Variants in RASSF8 observed in about 807,000 individuals in gnomAD.
RASSF8 encodes ras association domain-containing protein 8.
A neutral mutation model predicts 48.5 loss-of-function variants in RASSF8; 22 were observed. That is an observed-to-expected ratio of 0.45 (90% CI 0.32 to 0.65). The LOEUF (loss-of-function observed/expected upper bound fraction) is 0.65, where lower values mean the gene tolerates loss of function less well. RASSF8 is among the 30% of genes least tolerant of loss of function. The pLI is 0.03. For missense variants in RASSF8, 418 were observed against 489.2 expected, an observed-to-expected ratio of 0.85 and a Z score of 1.37; for synonymous variants, 127 against 171.5, an observed-to-expected ratio of 0.74 and a Z score of 2.03.
intron 1 of RASSF8, among the ~76,000 whole-genome samples, chr12:25,984,469 A>T (rs935758778): frequency 2.0e-5 from 3 of 152,100 alleles, no homozygotes; most frequent in Non-Finnish European, 4.4e-5. Flanking sequence ...CAGCCTCCTG[A>T]GTAGCTGGTA....
At chr12:25,998,052 G>T (rs1338396912) in intron 2 of RASSF8, among the ~76,000 whole-genome samples, 1 of 152,170 alleles carries the variant, frequency 6.6e-6, no homozygotes, top group Admixed American at 6.5e-5. Flanking sequence ...GATACTGATT[G>T]AAGAAATTGC....
downstream of RASSF8, among the ~76,000 whole-genome samples, chr12:26,074,481 T>G (rs1167160824): frequency 6.6e-6 from 1 of 151,954 alleles, no homozygotes; most frequent in Non-Finnish European, 1.5e-5. Flanking sequence ...TAGCTGGGAT[T>G]ACAGGCGTCC....
At position 25,984,777 on chromosome 12, in the gene RASSF8, A is replaced by G. The variant is rs191747405; in HGVS notation, c.-202-10260A>G. Among the ~76,000 whole-genome samples the G allele has an allele frequency of 2.2e-3, 334 of 152,326 alleles. 3 individuals carry two copies. The highest frequency in any genetic ancestry group is 6.0e-4 in the Non-Finnish European group (41 of 68,030). ...GTAACTTTTTCTTCTTAAAATTGTG[A>G]GTGCATGAATGTTTCCTTTTGTTTA... On this transcript the variant is annotated intron_variant, in intron 1 of 5. Coordinates refer to ENST00000689635, the MANE Select transcript of RASSF8 (RefSeq NM_001394098.1).
At chr12:26,035,872 A>G (rs907357637) in intron 2 of RASSF8, among the ~76,000 whole-genome samples, 3 of 140,894 alleles carry the variant, frequency 2.1e-5, no homozygotes, top group Non-Finnish European at 4.5e-5. Context: ...ATAAAATTAT[A>G]TATTATATAT....
chr12:25,979,615 C>G (rs1941690837), intron 1 of RASSF8, among the ~76,000 whole-genome samples: 1 of 152,140 alleles, frequency 6.6e-6, no homozygotes, highest in African/African-American at 2.4e-5. Flanking sequence ...TTTTTATTCC[C>G]CATTTTACTT....
chr12:26,078,205 TG>T (rs1186747549), intron 5 of RASSF8, among the ~76,000 whole-genome samples: 1 of 152,174 alleles, frequency 6.6e-6, no homozygotes, highest in Non-Finnish European at 1.5e-5. Context: ...GGAAGACAGA[TG>T]TTGAACAAAG....
chr12:25,988,983 G>A (rs1364380786), intron 1 of RASSF8, among the ~76,000 whole-genome samples: 1 of 152,118 alleles, frequency 6.6e-6, no homozygotes, highest in Non-Finnish European at 1.5e-5. Context: ...CTTGATTTTA[G>A]AAAGCATCTC....
At chr12:26,005,362 T>C (rs1316585542) in intron 2 of RASSF8, among the ~76,000 whole-genome samples, 1 of 152,158 alleles carries the variant, frequency 6.6e-6, no homozygotes, top group Non-Finnish European at 1.5e-5. Context: ...ATGGGGTCAG[T>C]ATGTAATTAC....
Position 26,070,854 on chromosome 12 carries a change from A to G in RASSF8, c.*2036A>G. 4.1e-6 allele frequency: 4 copies of G among 984,550 alleles called. No individual in the cohort carries two copies. The highest frequency in any genetic ancestry group is 4.8e-6 in the Non-Finnish European group (4 of 829,104). 61.0% of individuals were successfully genotyped at this position (984,550 alleles called of 1,614,324 possible). A position where few individuals can be genotyped will look rare whatever the true frequency, so the allele number is the denominator to read the frequency against. ...TTAGGAGTTTCAGAGATGCCTTGGC[A>G]TACCACGAAAAACACTGTCAATATC... On this transcript the variant is annotated 3_prime_UTR_variant, in exon 6 of 6. Coordinates refer to ENST00000689635, the MANE Select transcript of RASSF8 (RefSeq NM_001394098.1).
intron 4 of RASSF8, among the ~76,000 whole-genome samples, chr12:26,066,945 A>G (rs762047779): frequency 6.6e-6 from 1 of 152,250 alleles, no homozygotes; most frequent in Non-Finnish European, 1.5e-5. Context: ...TAGTTCTCAG[A>G]TCTTTGTCAA....
At chr12:26,019,647 T>G (rs1942742248) in intron 2 of RASSF8, among the ~76,000 whole-genome samples, 1 of 151,976 alleles carries the variant, frequency 6.6e-6, no homozygotes, top group Non-Finnish European at 1.5e-5. Flanking sequence ...TTAAAAGAAA[T>G]CTTGAAATTT....
At chr12:25,991,721 T>C (rs879509579) in intron 1 of RASSF8, among the ~76,000 whole-genome samples, 4 of 152,214 alleles carry the variant, frequency 2.6e-5, no homozygotes, top group African/African-American at 4.8e-5. Flanking sequence ...GAGAGCAAGA[T>C]GGAAGCTACC....
At chr12:25,978,067 C>T (rs1000322290) in intron 1 of RASSF8, among the ~76,000 whole-genome samples, 3 of 152,200 alleles carry the variant, frequency 2.0e-5, no homozygotes, top group Non-Finnish European at 4.4e-5. Context: ...CTTATCTGTG[C>T]TGAGCGAATG....
In RASSF8 at chr12:25,988,478, G is replaced by T. The variant is rs1033336028; in HGVS notation, c.-202-6559G>T. ...TGTAGTATTTAGAAAAATTTCCAGG[G>T]TGATTGGGGAATGGTGACTGCAGTC... On this transcript the variant is annotated intron_variant, in intron 1 of 5. Coordinates refer to ENST00000689635, the MANE Select transcript of RASSF8 (RefSeq NM_001394098.1). 3.3e-5 allele frequency among the ~76,000 whole-genome samples: 5 copies of T among 152,260 alleles called. No individual in the cohort carries two copies. The South Asian group carries it at 1.0e-3, about 32-fold the overall frequency.
intron 2 of RASSF8, among the ~76,000 whole-genome samples, chr12:26,019,809 G>A (rs1268451764): frequency 6.6e-6 from 1 of 152,072 alleles, no homozygotes; most frequent in Non-Finnish European, 1.5e-5. Flanking sequence ...CAAAAACATG[G>A]ATTTTAATGC....
At chr12:25,997,501 C>G (rs1408775025) in intron 2 of RASSF8, among the ~76,000 whole-genome samples, 1 of 151,970 alleles carries the variant, frequency 6.6e-6, no homozygotes, top group African/African-American at 2.4e-5. Context: ...TCAGGTTTTT[C>G]TATCCCATGT....
chr12:26,019,115 G>C (rs190546736), intron 2 of RASSF8, among the ~76,000 whole-genome samples: 18 of 152,262 alleles, frequency 1.2e-4, no homozygotes, highest in African/African-American at 4.1e-4. Context: ...TGGAGTGATC[G>C]TAGCTGTCCC....
intron 3 of RASSF8, among the ~76,000 whole-genome samples, chr12:26,061,694 A>G (rs918469741): frequency 1.3e-5 from 2 of 152,210 alleles, no homozygotes; most frequent in African/African-American, 4.8e-5. Flanking sequence ...GAATCTGTGT[A>G]AATGAAGGAA....
At chr12:26,008,214 A>G (rs1942436963) in intron 2 of RASSF8, among the ~76,000 whole-genome samples, 1 of 152,168 alleles carries the variant, frequency 6.6e-6, no homozygotes, top group South Asian at 2.1e-4. Flanking sequence ...CGGAGCTTGC[A>G]GTGAGCCGAG....
Sources: gnomAD v4.1 joint callset for allele counts (sites outside exome capture counted in the v4.1 genomes callset) on GRCh38, gnomAD v4.1.1 for gene constraint, MANE v1.5 for transcripts, NCBI Gene and HGNC (gene_info 2026-07-23, HGNC 2026-07-21) for gene names.